Variants in C10orf143 observed in about 807,000 individuals in gnomAD.
The protein encoded by C10orf143 is chromosome 10 open reading frame 143.
At chr10:130,098,449 G>A (rs891250020) in intron 1 of C10orf143, among the ~76,000 whole-genome samples, 2 of 152,212 alleles carry the variant, frequency 1.3e-5, no homozygotes, top group African/African-American at 2.4e-5. Context: ...CGCTGATGGC[G>A]TTTTCCCCAA....
intron 1 of C10orf143, among the ~76,000 whole-genome samples, chr10:130,082,219 C>G: frequency 6.6e-6 from 1 of 151,730 alleles, no homozygotes. Context: ...ACTATGTTGA[C>G]CAGGCTGGTC....
At chr10:130,110,506 G>A (rs58744229) in intron 1 of C10orf143, among the ~76,000 whole-genome samples, 198 bp downstream of exon 1, 21,290 of 152,318 alleles carry the variant, frequency 0.14, 1,599 homozygotes, top group South Asian at 0.17. Flanking sequence ...GAAACCGGGA[G>A]AGCGGCGTCA....
At chr10:130,081,107 C>CAAA (rs1390161936) in intron 1 of C10orf143, among the ~76,000 whole-genome samples, 111 of 152,200 alleles carry the variant, frequency 7.3e-4, no homozygotes, top group African/African-American at 2.6e-3. Flanking sequence ...TACTTAAAAT[C>CAAA]AAGTGATTCT....
chr10:130,060,986 A>C (rs1860851170), downstream of C10orf143, among the ~76,000 whole-genome samples: 1 of 152,084 alleles, frequency 6.6e-6, no homozygotes, highest in Non-Finnish European at 1.5e-5. Flanking sequence ...AAAAATACAA[A>C]AATTAGCCAG....
intron 1 of C10orf143, chr10:130,107,596 T>C (rs1861675807): frequency 2.2e-6 from 3 of 1,343,946 alleles, no homozygotes; most frequent in Admixed American, 1.7e-5. Flanking sequence ...ATTCCCCATA[T>C]GGTCCCTCAT....
intron 3 of C10orf143, among the ~76,000 whole-genome samples, chr10:130,073,766 T>G (rs538324011): frequency 1.3e-5 from 2 of 152,178 alleles, no homozygotes; most frequent in Non-Finnish European, 2.9e-5. Flanking sequence ...GCTCCTTCAG[T>G]GCCAGAAAAT....
intron 3 of C10orf143, among the ~76,000 whole-genome samples, chr10:130,079,157 A>C (rs1590021382): frequency 1.3e-5 from 2 of 152,358 alleles, no homozygotes; most frequent in East Asian, 3.9e-4. Flanking sequence ...TCTGTGATTT[A>C]TGTGAAGTTT....
At chr10:130,075,481 A>G (rs571265510) in intron 3 of C10orf143, among the ~76,000 whole-genome samples, 1 of 152,310 alleles carries the variant, frequency 6.6e-6, no homozygotes, top group South Asian at 2.1e-4. Flanking sequence ...GAATCTGTCC[A>G]TTCATTAGCT....
At chr10:130,072,734 T>G (rs376489518) in intron 3 of C10orf143, among the ~76,000 whole-genome samples, 34 of 152,216 alleles carry the variant, frequency 2.2e-4, no homozygotes, top group African/African-American at 8.0e-4. Flanking sequence ...ACACAAATTT[T>G]TTGGTTTCTC....
intron 1 of C10orf143, among the ~76,000 whole-genome samples, chr10:130,083,723 A>G (rs1861244578): frequency 1.3e-5 from 2 of 152,224 alleles, no homozygotes; most frequent in African/African-American, 4.8e-5. Flanking sequence ...ATTTCTGCAA[A>G]AGAAATACAG....
intron 1 of C10orf143, chr10:130,106,140 TG>T: frequency 1.3e-6 from 1 of 755,474 alleles, no homozygotes; most frequent in Non-Finnish European, 2.3e-6. Flanking sequence ...AGTATGAGAC[TG>T]GATTCGAATC....
chr10:130,091,165 G>C (rs1639765075), intron 1 of C10orf143, among the ~76,000 whole-genome samples: 1 of 152,212 alleles, frequency 6.6e-6, no homozygotes, highest in African/African-American at 2.4e-5. Context: ...CCTCATAGAG[G>C]AGAGCTCCAG....
At chr10:130,053,551 A>T (rs1337938870) in intron 3 of C10orf143, among the ~76,000 whole-genome samples, 1 of 152,204 alleles carries the variant, frequency 6.6e-6, no homozygotes, top group Non-Finnish European at 1.5e-5. Context: ...GGCCCCAGGC[A>T]TGTGAGACCC....
At chr10:130,063,420 G>A (rs1350461327), downstream of C10orf143, among the ~76,000 whole-genome samples, 3 of 152,204 alleles carry the variant, frequency 2.0e-5, no homozygotes, top group Non-Finnish European at 2.9e-5. Flanking sequence ...CCCGGCTTTG[G>A]TTGTTTGGCA....
At chr10:130,046,073 A>G (rs1364893689) in intron 3 of C10orf143, among the ~76,000 whole-genome samples, 2 of 107,492 alleles carry the variant, frequency 1.9e-5, no homozygotes, top group African/African-American at 7.3e-5. Context: ...AACGTGGAAC[A>G]GGGAGTGGCT....
At chr10:130,053,366 C>T (rs191503863) in intron 3 of C10orf143, among the ~76,000 whole-genome samples, 4 of 152,286 alleles carry the variant, frequency 2.6e-5, no homozygotes, top group Admixed American at 1.3e-4. Flanking sequence ...CCACCACGCC[C>T]GGCCAAAGTT....
chr10:130,089,782 T>C (rs538272564), intron 1 of C10orf143, among the ~76,000 whole-genome samples: 5 of 152,240 alleles, frequency 3.3e-5, no homozygotes, highest in African/African-American at 1.2e-4. Flanking sequence ...TTGACAAGGG[T>C]GCCAAGAAAA....
intron 1 of C10orf143, among the ~76,000 whole-genome samples, chr10:130,097,691 G>A (rs1300620210): frequency 2.0e-5 from 3 of 152,136 alleles, no homozygotes; most frequent in Non-Finnish European, 4.4e-5. Context: ...TAAACAGAAC[G>A]TGTTCTATTC....
chr10:130,095,989 C>A (rs893598492), intron 1 of C10orf143, among the ~76,000 whole-genome samples: 17 of 152,156 alleles, frequency 1.1e-4, no homozygotes, highest in Non-Finnish European at 2.2e-4. Context: ...AAGAAACTAT[C>A]ATCAGAGTGA....
Sources: allele counts gnomAD v4.1 joint callset (sites outside exome capture counted in the v4.1 genomes callset), GRCh38; gene constraint gnomAD v4.1.1; transcripts MANE v1.5; gene names NCBI Gene and HGNC (gene_info 2026-07-23, HGNC 2026-07-21).